Variants in UGT2B15 observed in about 807,000 individuals in gnomAD.
The protein encoded by UGT2B15 is UDP-glucuronosyltransferase 2B15.
Under a neutral mutation model 45.9 loss-of-function variants are expected in UGT2B15, and 36 were observed. That is an observed-to-expected ratio of 0.78 (90% CI 0.60 to 1.04). UGT2B15 has a LOEUF of 1.04. Among genes scored for constraint, UGT2B15 ranks in the 50% least tolerant of loss-of-function variants. The pLI is 0.00. For missense variants in UGT2B15, 617 were observed against 622.4 expected (o/e 0.99, Z 0.09); for synonymous variants, 219 against 216.4 (o/e 1.01, Z -0.11).
chr4:68,655,616 T>C (rs925147780), intron 3 of UGT2B15, among the ~76,000 whole-genome samples: 2 of 152,086 alleles, frequency 1.3e-5, no homozygotes, highest in African/African-American at 2.4e-5. Context: ...GGAATTCAGC[T>C]ATTTGTCTCT....
chr4:68,656,963 G>A (rs1161589289), intron 3 of UGT2B15, among the ~76,000 whole-genome samples: 1 of 152,076 alleles, frequency 6.6e-6, no homozygotes, highest in Non-Finnish European at 1.5e-5. Context: ...TTTACTGGAA[G>A]TAGTATTGAC....
chr4:68,647,495 C>T (rs1732517361), intron 5 of UGT2B15, 112 bp from the exon 6 acceptor site: 2 of 1,252,852 alleles, frequency 1.6e-6, no homozygotes, highest in East Asian at 2.5e-5. Context: ...AAGTAAGTGT[C>T]ACTGAATTGG....
At chr4:68,652,550 T>G (rs1732687322) in intron 5 of UGT2B15, among the ~76,000 whole-genome samples, 2 of 151,980 alleles carry the variant, frequency 1.3e-5, no homozygotes, top group Admixed American at 6.6e-5. Flanking sequence ...TGGTACCACC[T>G]AACCTCATAA....
chr4:68,665,477 G>GT lies in UGT2B15; in HGVS notation c.874-2339dup, dbSNP rs369548930. 1.3e-3 allele frequency among the ~76,000 whole-genome samples: 204 copies of GT among 151,976 alleles called. 3 individuals are homozygous for GT. Among genetic ancestry groups the GT allele is most frequent in the African/African-American group, 4.6e-3 (189 of 41,434 alleles). On this transcript the variant is annotated intron_variant, in intron 2 of 5. Coordinates refer to ENST00000338206, the MANE Select transcript of UGT2B15 (RefSeq NM_001076.4). Reference sequence around the variant, plus strand: ...GTAAGATATTTGAATTATTTCCAGAGTTTTTTTAATGAGTATTTGCTACCG... The same window carrying GT: ...GTAAGATATTTGAATTATTTCCAGAGTTTTTTTTAATGAGTATTTGCTACCG...
rs565283990 is a variant in UGT2B15 at position 68,669,834 on chromosome 4, T to C, written c.724+61A>G. ...CTTCTGACATTATATTTATATAAGCTCACCTTCAAAGGCACAGAAAAGTTA... is the reference window on the plus strand; with the variant it reads ...CTTCTGACATTATATTTATATAAGCCCACCTTCAAAGGCACAGAAAAGTTA... On this transcript the variant is annotated intron_variant, in intron 1 of 5. Coordinates refer to ENST00000338206, the MANE Select transcript of UGT2B15 (RefSeq NM_001076.4). 1.3e-4 allele frequency: 202 copies of C among 1,535,856 alleles called. 2 individuals carry two copies. In the South Asian group the frequency reaches 2.4e-3, roughly 18 times the overall value.
chr4:68,659,225 T>G (rs1330153470), intron 3 of UGT2B15, among the ~76,000 whole-genome samples: 1 of 152,034 alleles, frequency 6.6e-6, no homozygotes. Context: ...TTTTGCCTTT[T>G]TTTGAAATCC....
intron 2 of UGT2B15, among the ~76,000 whole-genome samples, chr4:68,667,365 G>A (rs1449462682): frequency 1.3e-5 from 2 of 151,772 alleles, no homozygotes; most frequent in Non-Finnish European, 2.9e-5. Context: ...TGTTAGAGAT[G>A]AGGTTTTACC....
chr4:68,648,063 A>G (rs899096689), intron 5 of UGT2B15, among the ~76,000 whole-genome samples: 5 of 151,986 alleles, frequency 3.3e-5, no homozygotes, highest in Admixed American at 1.3e-4. Context: ...ACAACTGGTG[A>G]AATGCCTCCT....
chr4:68,670,161 G>A lies in UGT2B15; in HGVS notation c.458C>T (p.Ala153Val), dbSNP rs767356070. 1 of 1,614,072 alleles carries A rather than the reference G, an allele frequency of 6.2e-7. No homozygotes were observed. Among genetic ancestry groups the A allele is most frequent in the Non-Finnish European group, 8.5e-7 (1 of 1,179,992 alleles). The stretch of plus-strand genomic sequence containing the variant: ...CAGTAGCTCACCACAGGGATTAAGG[G>A]CATCTGCCAGAATGACATCAAACTT... ...ESKFDVILAD[A>V]LNPCGELLAE... The change falls in exon 1 of 6, where the codon GCC becomes GTC. Residue 153 changes from alanine to valine, a missense_variant. Transcript: ENST00000338206.
At chr4:68,648,826 GTTT>G (rs1459154155) in intron 5 of UGT2B15, among the ~76,000 whole-genome samples, 1 of 151,966 alleles carries the variant, frequency 6.6e-6, no homozygotes, top group Non-Finnish European at 1.5e-5. Flanking sequence ...ATTCATTTCT[GTTT>G]TTGGTTAGCA....
intron 5 of UGT2B15, among the ~76,000 whole-genome samples, chr4:68,647,667 T>C (rs1732522117): frequency 6.6e-6 from 1 of 152,124 alleles, no homozygotes; most frequent in African/African-American, 2.4e-5. Flanking sequence ...CTAAGTGCTA[T>C]AAGTAAGATA....
intron 3 of UGT2B15, among the ~76,000 whole-genome samples, 182 bp from the exon 4 acceptor site, chr4:68,655,364 A>G (rs984451344): frequency 6.6e-6 from 1 of 152,144 alleles, no homozygotes; most frequent in African/African-American, 2.4e-5. Context: ...CCCACGTTTA[A>G]TGTCGTTACT....
rs1403921235 is a variant in UGT2B15 at position 68,660,759 on chromosome 4, C to T, written c.1005+2249G>A. 4.0e-5 allele frequency among the ~76,000 whole-genome samples: 6 copies of T among 151,668 alleles called. No individual in the cohort carries two copies. In the East Asian group the frequency reaches 7.7e-4, roughly 19 times the overall value. On this transcript the variant is annotated intron_variant, in intron 3 of 5. Transcript: ENST00000338206. ...TAGTGTCTTCAGGTTTTTTTTCCTC[C>T]CTTTCCACCATTTTTCCTAGTTTGG...
intron 5 of UGT2B15, among the ~76,000 whole-genome samples, chr4:68,652,683 A>T (rs1732690748): frequency 6.6e-6 from 1 of 150,614 alleles, no homozygotes; most frequent in Non-Finnish European, 1.5e-5. Flanking sequence ...ATCAACATTG[A>T]AACCTTTGTA....
Position 68,668,517 on chromosome 4 carries a change from A to T in UGT2B15, c.725-329T>A, listed in dbSNP as rs1228744459. On this transcript the variant is annotated intron_variant, in intron 1 of 5. Transcript: ENST00000338206. Reference sequence around the variant, plus strand: ...TAATATGGTTTGACTGTCCCCACCCAAATCTCCTCTCATCTTGAATTATAA... The same window carrying T: ...TAATATGGTTTGACTGTCCCCACCCTAATCTCCTCTCATCTTGAATTATAA... Among the ~76,000 whole-genome samples, 6 of 151,786 alleles carry T rather than the reference A, an allele frequency of 4.0e-5. No individual in the cohort carries two copies. In the East Asian group the frequency reaches 7.7e-4, roughly 20 times the overall value.
intron 2 of UGT2B15, among the ~76,000 whole-genome samples, chr4:68,667,310 C>T (rs4694748): frequency 0.22 from 33,695 of 151,890 alleles, 4,167 homozygotes; most frequent in Admixed American, 0.33. Context: ...TATGAGACTA[C>T]AGGCACACAC....
intron 5 of UGT2B15, among the ~76,000 whole-genome samples, chr4:68,651,973 A>G (rs778028292): frequency 3.3e-5 from 5 of 152,052 alleles, no homozygotes; most frequent in Non-Finnish European, 7.4e-5. Context: ...CAGCATGGCC[A>G]TTTTTACAAT....
chr4:68,650,834 C>T (rs569241873), intron 5 of UGT2B15, among the ~76,000 whole-genome samples: 21 of 151,998 alleles, frequency 1.4e-4, no homozygotes, highest in Middle Eastern at 3.4e-3. Context: ...TTTTAATCAT[C>T]GCCATTCTGA....
intron 2 of UGT2B15, among the ~76,000 whole-genome samples, chr4:68,666,720 G>T (rs1733130785): frequency 1.4e-5 from 2 of 146,934 alleles, no homozygotes; most frequent in South Asian, 2.1e-4. Context: ...GTCCCTATGG[G>T]TATATCAAAT....
Sources: gnomAD v4.1 joint callset for allele counts (sites outside exome capture counted in the v4.1 genomes callset) on GRCh38, gnomAD v4.1.1 for gene constraint, MANE v1.5 for transcripts, NCBI Gene and HGNC (gene_info 2026-07-23, HGNC 2026-07-21) for gene names.